The following BICRA variants were observed in gnomAD, a reference collection of about 807,000 sequenced individuals.
BICRA encodes BRD4-interacting chromatin-remodeling complex-associated protein.
In BICRA, 31 loss-of-function variants were observed where a neutral mutation model predicts 96.9. That is an observed-to-expected ratio of 0.32 (90% CI 0.24 to 0.43). The LOEUF (loss-of-function observed/expected upper bound fraction) is 0.43, where lower values mean the gene tolerates loss of function less well. Among genes scored for constraint, BICRA ranks in the 20% least tolerant of loss-of-function variants. The pLI, the probability that BICRA is intolerant of heterozygous loss-of-function variation, is 1.00. For synonymous variants in BICRA, 1,350 were observed against 1,071.8 expected, an observed-to-expected ratio of 1.26 and a Z score of -5.07; for missense variants, 2,283 against 2,190.3, an observed-to-expected ratio of 1.04 and a Z score of -0.84.
chr19:47,612,509 A>G (rs2069622654), intron 1 of BICRA, among the ~76,000 whole-genome samples: 1 of 152,084 alleles, frequency 6.6e-6, no homozygotes, highest in African/African-American at 2.4e-5. Flanking sequence ...GGCCACCTGC[A>G]AACGAACAAT....
At chr19:47,674,277 TAGG>T (rs1972909180) in intron 4 of BICRA, among the ~76,000 whole-genome samples, 1 of 109,174 alleles carries the variant, frequency 9.2e-6, no homozygotes, top group Admixed American at 9.8e-5. Flanking sequence ...GGAAAACTAG[TAGG>T]AGGTGAGACT....
At chr19:47,640,398 T>C (rs558804488) in intron 1 of BICRA, among the ~76,000 whole-genome samples, 9 of 151,918 alleles carry the variant, frequency 5.9e-5, no homozygotes, top group Admixed American at 6.6e-5. Flanking sequence ...GGCATGATGG[T>C]GTGTGCCTGT....
rs1049775499 is a variant in BICRA, at chr19:47,651,944, T to G, written c.-107-18499T>G. On this transcript the variant is annotated intron_variant, in intron 1 of 14. Transcript: ENST00000594866. ...CCCACGGCTTGCCCGGGACCTGCTC[T>G]GGGACAGGAACGTTTGAACCGCACC... Among the ~76,000 whole-genome samples, 9 of 152,324 alleles carry G rather than the reference T, an allele frequency of 5.9e-5. No homozygotes were observed. In the South Asian group the frequency reaches 1.9e-3, roughly 32 times the overall value.
rs773242685 is a variant in BICRA at position 47,619,819 on chromosome 19, C to T, written c.-108+10651C>T. 2.6e-4 allele frequency among the ~76,000 whole-genome samples: 39 copies of T among 152,292 alleles called. No individual in the cohort carries two copies. In the Middle Eastern group the frequency reaches 0.01, roughly 40 times the overall value. On this transcript the variant is annotated intron_variant, in intron 1 of 14. Coordinates refer to ENST00000594866, the MANE Select transcript of BICRA (RefSeq NM_001394372.1). ...GCTGAGGTAGGAGAATTGCTTGAGT[C>T]CAGGAGGCTGAGGCTGCAGAGAGCC... is the stretch of plus-strand genomic sequence containing the variant.
chr19:47,673,636 C>A (rs747249197), intron 3 of BICRA, 21 bp downstream of exon 3: 7 of 1,582,874 alleles, frequency 4.4e-6, no homozygotes, highest in Non-Finnish European at 6.1e-6. Flanking sequence ...GGCTCCCCAC[C>A]CCCTGCCCTC....
At position 47,702,248 on chromosome 19, in the gene BICRA, G is replaced by A. The variant is rs759630018; in HGVS notation, c.4516G>A (p.Asp1506Asn). The stretch of plus-strand genomic sequence containing the variant: ...CACCGAGCACCTGCAGAGCGCCATC[G>A]ACAGCATCCTGAACCTGCAGCAGGC... ...TLTEHLQSAI[D>N]SILNLQQAPG... The change falls in exon 15 of 15, where the codon GAC becomes AAC. Residue 1506 changes from aspartate to asparagine, a missense_variant. Physicochemically the swap from Asp to Asn is conservative, Grantham distance 23. Transcript: ENST00000594866. 1.5e-5 allele frequency: 24 copies of A among 1,598,562 alleles called. No homozygotes were observed. In the African/African-American group the frequency reaches 3.1e-4, roughly 21 times the overall value.
chr19:47,665,747 G>A (rs1167536105), intron 1 of BICRA, among the ~76,000 whole-genome samples: 1 of 152,218 alleles, frequency 6.6e-6, no homozygotes, highest in Non-Finnish European at 1.5e-5. Context: ...CACAGTGCAG[G>A]TGCCGCAGCG....
intron 1 of BICRA, among the ~76,000 whole-genome samples, chr19:47,616,201 G>T (rs2123504868): frequency 6.6e-6 from 1 of 152,302 alleles, no homozygotes; most frequent in South Asian, 2.1e-4. Context: ...ACAGTGCCTG[G>T]GGTATAGCAA....
intron 1 of BICRA, among the ~76,000 whole-genome samples, chr19:47,632,536 G>A (rs1972235934): frequency 6.6e-6 from 1 of 152,236 alleles, no homozygotes. Flanking sequence ...GCATCCGATG[G>A]TCCCACCGCA....
chr19:47,695,448 G>T lies in BICRA; in HGVS notation c.3160G>T (p.Gly1054Trp). The change falls in exon 10 of 15, where the codon GGG becomes TGG. Residue 1054 changes from glycine (G) to tryptophan (W), a missense_variant. Transcript: ENST00000594866. The stretch of plus-strand genomic sequence containing the variant: ...GAATGTGGCCAAGGCCGCTTCCTCC[G>T]GGCCAGGGAAGCCCTCCGGGCTGCA... Reference protein sequence around the residue: ...TLNVAKAASSGPGKPSGLQYE... With the variant: ...TLNVAKAASSWPGKPSGLQYE... 1.3e-6 allele frequency: 2 copies of T among 1,574,342 alleles called. No individual in the cohort carries two copies. Among genetic ancestry groups the T allele is most frequent in the Non-Finnish European group, 1.7e-6 (2 of 1,156,588 alleles).
Position 47,701,975 on chromosome 19 carries a change from G to A in BICRA, c.4243G>A (p.Ala1415Thr). 1.4e-6 allele frequency: 2 copies of A among 1,467,880 alleles called. No individual in the cohort carries two copies. The highest frequency in any genetic ancestry group is 1.8e-6 in the Non-Finnish European group (2 of 1,119,758). 90.9% of individuals were successfully genotyped at this position (1,467,880 alleles called of 1,614,324 possible). Residue 1415 changes from alanine to threonine, a missense_variant, in exon 15 of 15, where the codon GCG becomes ACG. By Grantham distance (58) the Ala-to-Thr change is moderately conservative. Coordinates refer to ENST00000594866, the MANE Select transcript of BICRA (RefSeq NM_001394372.1). This position sits in a 1 kb window ranked among gnomAD's most constrained non-coding sequence, Gnocchi z 5.4. ...PAGRARGGSP[A>T]PLPAKVDEAT... ...AGGCAGGGCACGGGGAGGCAGCCCG[G>A]CGCCGCTGCCCGCCAAAGTGGACGA...
At chr19:47,673,788 T>G in intron 4 of BICRA, 26 bp downstream of exon 4, 1 of 1,587,064 alleles carries the variant, frequency 6.3e-7, no homozygotes, top group African/African-American at 1.3e-5. Flanking sequence ...GGGAGAGGCA[T>G]TCCCTGAGTG....
chr19:47,696,523 A>G lies in BICRA; in HGVS notation c.3248+11A>G, dbSNP rs1159626398. 6.3e-7 allele frequency: 1 copy of G among 1,595,346 alleles called. No homozygotes were observed. Among genetic ancestry groups the G allele is most frequent in the Non-Finnish European group, 8.5e-7 (1 of 1,171,176 alleles). On this transcript the variant is annotated intron_variant, in intron 11 of 14. Transcript: ENST00000594866. ...CAGCAAGGAAGCCTGGTGAGTCCACACCCCATCCTTGCATGCCTGCCCTGT... is the reference window on the plus strand; with the variant it reads ...CAGCAAGGAAGCCTGGTGAGTCCACGCCCCATCCTTGCATGCCTGCCCTGT...
At chr19:47,631,107 C>A (rs1426521838) in intron 1 of BICRA, among the ~76,000 whole-genome samples, 1 of 152,174 alleles carries the variant, frequency 6.6e-6, no homozygotes, top group Non-Finnish European at 1.5e-5. Flanking sequence ...TTTGCCCATT[C>A]TGGAGTGCAG....
chr19:47,687,208 A>G (rs746319253), intron 7 of BICRA, among the ~76,000 whole-genome samples: 3 of 152,152 alleles, frequency 2.0e-5, no homozygotes, highest in Non-Finnish European at 4.4e-5. Flanking sequence ...GCAGCCACAG[A>G]CCATATGTAA....
chr19:47,634,985 A>G (rs1972278844), intron 1 of BICRA, among the ~76,000 whole-genome samples: 1 of 151,906 alleles, frequency 6.6e-6, no homozygotes, highest in South Asian at 2.1e-4. Flanking sequence ...GATGGTCTCG[A>G]TCTCCTGACC....
Position 47,673,583 on chromosome 19 carries a change from T to C in BICRA, c.9T>C (p.Asp3=), listed in dbSNP as rs1272070273. 2 of 1,612,912 alleles carry C rather than the reference T, an allele frequency of 1.2e-6. No individual in the cohort carries two copies. Among genetic ancestry groups the C allele is most frequent in the African/African-American group, 2.7e-5 (2 of 74,830 alleles). Residue 3 remains aspartate, a synonymous_variant, in exon 3 of 15, where the codon GAT becomes GAC. Coordinates refer to ENST00000594866, the MANE Select transcript of BICRA (RefSeq NM_001394372.1). ...CACCCCATCCAGTGGCGATGGATGA[T>C]GAGGATGGGAGATGCTTACTAGACG... MD[D]EDGRCLLDVI...
chr19:47,608,908 TTTC>T (rs1164676711), upstream of BICRA, among the ~76,000 whole-genome samples: 1 of 127,948 alleles, frequency 7.8e-6, no homozygotes, highest in Non-Finnish European at 1.7e-5. Flanking sequence ...TTTTTTTTTT[TTTC>T]CGTTTGCATT....
At chr19:47,697,636 C>T (rs973696769) in intron 11 of BICRA, among the ~76,000 whole-genome samples, 7 of 152,122 alleles carry the variant, frequency 4.6e-5, no homozygotes, top group African/African-American at 9.7e-5. Flanking sequence ...TGCCACCACA[C>T]CTGCCTAATT....
Sources: gnomAD v4.1 joint callset for allele counts (sites outside exome capture counted in the v4.1 genomes callset) on GRCh38, gnomAD v4.1.1 for gene constraint, Gnocchi (gnomAD v3.1) non-coding constraint, MANE v1.5 for transcripts, NCBI Gene and HGNC (gene_info 2026-07-23, HGNC 2026-07-21) for gene names.